The following DSP variants were observed in gnomAD, a reference collection of about 807,000 sequenced individuals.
DSP encodes desmoplakin.
Under a neutral mutation model 290.6 loss-of-function variants are expected in DSP, and 114 were observed. That is an observed-to-expected ratio of 0.39 (90% CI 0.34 to 0.46). DSP has a LOEUF of 0.46. DSP is among the 20% of genes least tolerant of loss of function. DSP has a pLI of 0.99. For missense variants in DSP, 3,230 were observed against 3,495.8 expected, an observed-to-expected ratio of 0.92 and a Z score of 1.92; for synonymous variants, 1,311 against 1,316.4, an observed-to-expected ratio of 1.00 and a Z score of 0.09.
In DSP at chr6:7,565,370, T is replaced by C. The variant is rs1354363918; in HGVS notation, c.789T>C (p.Phe263=). The change falls in exon 7 of 24, where the codon TTT becomes TTC. Residue 263 remains phenylalanine, a synonymous_variant. Transcript: ENST00000379802. This position sits in a 1 kb window ranked among gnomAD's most constrained non-coding sequence, Gnocchi z 4.2. ...AACCTCCTGTGCAGAAAGCGTCCTTTGAGAGGATGGATCACCTGCGACAGC... is the reference window on the plus strand; with the variant it reads ...AACCTCCTGTGCAGAAAGCGTCCTTCGAGAGGATGGATCACCTGCGACAGC... The part of the protein sequence containing the change: ...EEYENLLKAS[F]ERMDHLRQLQ... 4.3e-6 allele frequency: 7 copies of C among 1,613,934 alleles called. No individual in the cohort carries two copies. The Admixed American group carries it at 1.2e-4, about 27-fold the overall frequency.
chr6:7,579,483 A>G lies in DSP; in HGVS notation c.3293A>G (p.Asp1098Gly). The G allele has an allele frequency of 6.2e-7, 1 of 1,614,116 alleles. No individual in the cohort carries two copies. Among genetic ancestry groups the G allele is most frequent in the Admixed American group, 1.7e-5 (1 of 60,022 alleles). The change falls in exon 23 of 24, where the codon GAC becomes GGC. Residue 1098 changes from aspartate to glycine, a missense_variant. This residue lies in a region of DSP where 1,714 missense variants were observed against 1,844.5 expected (regional missense o/e 0.93). Transcript: ENST00000379802. The surrounding 1 kb of genome is among the most constrained non-coding windows in gnomAD (Gnocchi z 4.1). ...GGGAAGTCGGCTAAGCAAAATCTAG[A>G]CAAGTGCTACGGCCAAATAAAAGAA... ...LDGKSAKQNL[D>G]KCYGQIKELN...
At chr6:7,548,686 A>G (rs936643186) in intron 1 of DSP, among the ~76,000 whole-genome samples, 19 of 152,236 alleles carry the variant, frequency 1.2e-4, no homozygotes, top group Non-Finnish European at 2.2e-4. Flanking sequence ...GACAAAATGC[A>G]GGATCAAAGG....
At chr6:7,546,108 C>T (rs1758163526) in intron 1 of DSP, among the ~76,000 whole-genome samples, 1 of 152,062 alleles carries the variant, frequency 6.6e-6, no homozygotes, top group South Asian at 2.1e-4. Flanking sequence ...TAGGCGTTGG[C>T]TTAAGGAAGC....
chr6:7,565,999 AG>A lies in DSP; in HGVS notation c.940-374del. Reference sequence around the variant, plus strand: ...TAAAATAAAAGTTAAAAAGAAAAAGAGGGGCAATACCTTGTTTAATATCCCA... The same window carrying A: ...TAAAATAAAAGTTAAAAAGAAAAAGAGGGCAATACCTTGTTTAATATCCCA... On this transcript the variant is annotated intron_variant, in intron 7 of 23. Transcript: ENST00000379802. The surrounding 1 kb of genome is among the most constrained non-coding windows in gnomAD (Gnocchi z 4.2). Among the ~76,000 whole-genome samples the A allele has an allele frequency of 6.6e-6, 1 of 152,290 alleles. No individual in the cohort carries two copies. Among genetic ancestry groups the A allele is most frequent in the Middle Eastern group, 3.4e-3 (1 of 294 alleles).
In DSP at chr6:7,584,624, G is replaced by C; in HGVS notation, c.7362G>C (p.Gln2454His). The C allele has an allele frequency of 6.2e-7, 1 of 1,614,068 alleles. No homozygotes were observed. The change falls in exon 24 of 24, where the codon CAG becomes CAC. Residue 2454 changes from glutamine to histidine, a missense_variant. By Grantham distance (24) the Gln-to-His change is conservative (BLOSUM62 0). Coordinates refer to ENST00000379802, the MANE Select transcript of DSP (RefSeq NM_004415.4). The surrounding 1 kb of genome is among the most constrained non-coding windows in gnomAD (Gnocchi z 6.4). ...LPLKEKKKQV[Q>H]TSQKNTLRKR... is the part of the protein sequence containing the mutation. ...TGAAAGAAAAGAAGAAACAGGTGCA[G>C]ACATCACAAAAGAATACCCTCAGGA...
chr6:7,547,509 T>A (rs1230331318), intron 1 of DSP, among the ~76,000 whole-genome samples: 4 of 152,058 alleles, frequency 2.6e-5, no homozygotes, highest in African/African-American at 9.7e-5. Flanking sequence ...CTCACTGCAG[T>A]CTTGACCACT....
At chr6:7,576,592 T>A in intron 19 of DSP, 136 bp downstream of exon 19, 1 of 1,136,686 alleles carries the variant, frequency 8.8e-7, no homozygotes, top group Non-Finnish European at 1.3e-6. Flanking sequence ...TGTGAAGGCT[T>A]AAAGAATGCC....
intron 3 of DSP, 29 bp downstream of exon 3, chr6:7,558,293 G>A (rs1487920289): frequency 6.2e-7 from 1 of 1,605,806 alleles, no homozygotes; most frequent in Non-Finnish European, 8.5e-7. Flanking sequence ...GGATCGGGCA[G>A]TCCCCATGAA....
Position 7,582,532 on chromosome 6 carries a change from C to A in DSP, c.5380-110C>A. 9.7e-7 allele frequency: 1 copy of A among 1,031,356 alleles called. No homozygotes were observed. Among genetic ancestry groups the A allele is most frequent in the Non-Finnish European group, 1.4e-6 (1 of 698,274 alleles). 63.9% of individuals were successfully genotyped at this position (1,031,356 alleles called of 1,614,324 possible). Reference sequence around the variant, plus strand: ...GGACAATATAGAAAGAAAAAATAAGCAAGGCTTTTTTTTTTAAAGATAGAT... The same window carrying A: ...GGACAATATAGAAAGAAAAAATAAGAAAGGCTTTTTTTTTTAAAGATAGAT... On this transcript the variant is annotated intron_variant, in intron 23 of 23. Coordinates refer to ENST00000379802, the MANE Select transcript of DSP (RefSeq NM_004415.4). The surrounding 1 kb of genome is among the most constrained non-coding windows in gnomAD (Gnocchi z 4.2).
chr6:7,561,179 C>T (rs1421066750), intron 4 of DSP, among the ~76,000 whole-genome samples: 3 of 152,170 alleles, frequency 2.0e-5, no homozygotes, highest in South Asian at 4.1e-4. Flanking sequence ...ATCTCGAACT[C>T]CTGACCTTGT....
intron 1 of DSP, among the ~76,000 whole-genome samples, chr6:7,545,429 G>C (rs1333588891): frequency 6.6e-6 from 1 of 152,188 alleles, no homozygotes; most frequent in East Asian, 1.9e-4. Context: ...GTTGGCCTGA[G>C]GACCCAAGGA....
intron 1 of DSP, 86 bp from the exon 2 acceptor site, chr6:7,555,632 G>A (rs574493555): frequency 2.8e-5 from 36 of 1,294,670 alleles, no homozygotes; most frequent in Middle Eastern, 3.6e-4. Context: ...GTTTTGTCCC[G>A]TTTTTGCAAC....
chr6:7,546,170 C>T (rs537949887), intron 1 of DSP, among the ~76,000 whole-genome samples: 1 of 152,044 alleles, frequency 6.6e-6, no homozygotes, highest in African/African-American at 2.4e-5. Context: ...AGGGTGAGGG[C>T]AGTGGATGGA....
At chr6:7,578,667 T>C in intron 22 of DSP, 105 bp downstream of exon 22, 1 of 941,968 alleles carries the variant, frequency 1.1e-6, no homozygotes, top group East Asian at 2.4e-5. Flanking sequence ...CTGGTGAAAC[T>C]GTATTTCCTC....
In DSP at chr6:7,576,385, C is replaced by A; in HGVS notation, c.2722C>A (p.Arg908Ser). 6.2e-7 allele frequency: 1 copy of A among 1,614,060 alleles called. No individual in the cohort carries two copies. Among genetic ancestry groups the A allele is most frequent in the African/African-American group, 1.3e-5 (1 of 75,010 alleles). ...FCKWLYDAKR[R>S]QDSLESMKFG... ...CAAGTGGCTCTATGATGCTAAACGC[C>A]GCCAGGATTCCTTAGAATCCATGAA... The change falls in exon 19 of 24, where the codon CGC (arginine) becomes AGC (serine). Residue 908 changes from arginine (R) to serine (S), a missense_variant. Transcript: ENST00000379802.
intron 1 of DSP, 60 bp from the exon 2 acceptor site, chr6:7,555,658 A>G (rs1397394215): frequency 1.3e-6 from 2 of 1,528,740 alleles, no homozygotes; most frequent in Non-Finnish European, 1.8e-6. Flanking sequence ...CAAGTTTGAA[A>G]TTATTTCAGA....
Position 7,559,439 on chromosome 6 carries a change from A to G in DSP, c.597+39A>G, listed in dbSNP as rs769056826. On this transcript the variant is annotated intron_variant, in intron 4 of 23. Coordinates refer to ENST00000379802, the MANE Select transcript of DSP (RefSeq NM_004415.4). ...TGAACAGCCCAAACCTGTGCAGGCC[A>G]GACGTTCCAGCACGATGGGGTCAGC... The G allele has an allele frequency of 6.8e-6, 11 of 1,611,382 alleles. No individual in the cohort carries two copies. In the Admixed American group the frequency reaches 1.8e-4, roughly 27 times the overall value.
rs1759310696 is a variant in DSP at position 7,578,281 on chromosome 6, TG to T, written c.2986-180del. Reference sequence around the variant, plus strand: ...GGGAAACAGCCTGGAGAGATGAGAATGGGATACATTTTTGGCCCTTTGTTTT... The same window carrying T: ...GGGAAACAGCCTGGAGAGATGAGAATGGATACATTTTTGGCCCTTTGTTTT... On this transcript the variant is annotated intron_variant, in intron 21 of 23. Transcript: ENST00000379802. Among the ~76,000 whole-genome samples the T allele has an allele frequency of 2.0e-5, 3 of 152,224 alleles. No homozygotes were observed. In the South Asian group the frequency reaches 6.2e-4, roughly 32 times the overall value.
intron 6 of DSP, among the ~76,000 whole-genome samples, chr6:7,564,566 T>G (rs972600079): frequency 2.6e-5 from 4 of 152,194 alleles, no homozygotes; most frequent in Non-Finnish European, 5.9e-5. Context: ...TATTGATGGG[T>G]ACAAAAATAC....
Sources: allele counts gnomAD v4.1 joint callset (sites outside exome capture counted in the v4.1 genomes callset), GRCh38; gene constraint gnomAD v4.1.1; regional missense constraint gnomAD v4.1.1; non-coding constraint Gnocchi (gnomAD v3.1); transcripts MANE v1.5; gene names NCBI Gene and HGNC (gene_info 2026-07-23, HGNC 2026-07-21).